Variants in ABCF3 observed in about 807,000 individuals in gnomAD.
The protein encoded by ABCF3 is ATP binding cassette subfamily F member 3.
ABCF3 carries 62 observed loss-of-function variants against 94.3 expected under a neutral mutation model. The observed-to-expected ratio is 0.66, with a 90% confidence interval of 0.54 to 0.81. The LOEUF (loss-of-function observed/expected upper bound fraction) is 0.81, where lower values mean the gene tolerates loss of function less well. Among genes scored for constraint, ABCF3 ranks in the 40% least tolerant of loss-of-function variants. The probability of loss-of-function intolerance (pLI) is 0.00; values close to 1 mark genes in which losing one functional copy is unlikely to be tolerated. For synonymous variants in ABCF3, 355 were observed against 361.1 expected, an observed-to-expected ratio of 0.98 and a Z score of 0.19; for missense variants, 843 against 925.3, an observed-to-expected ratio of 0.91 and a Z score of 1.15.
chr3:184,187,009 C>G (rs1267894486), intron 3 of ABCF3, 134 bp downstream of exon 3: 7 of 954,370 alleles, frequency 7.3e-6, no homozygotes, highest in Middle Eastern at 3.3e-4. Context: ...ATGTCTTTAC[C>G]GAGGGCAGAA....
In ABCF3 at chr3:184,192,733, G is replaced by C. The variant is rs577686481; in HGVS notation, c.1658+44G>C. 7 of 1,608,618 alleles carry C rather than the reference G, an allele frequency of 4.4e-6. No homozygotes were observed. In the East Asian group the frequency reaches 1.1e-4, roughly 26 times the overall value. Reference sequence around the variant, plus strand: ...CCTGCCCCCATGAGCACATTTGCAGGCACCCATGCTGCCTGCGCTCCTTCG... The same window carrying C: ...CCTGCCCCCATGAGCACATTTGCAGCCACCCATGCTGCCTGCGCTCCTTCG... On this transcript the variant is annotated intron_variant, in intron 17 of 20. Transcript: ENST00000429586.
Position 184,189,073 on chromosome 3 carries a change from T to C in ABCF3, c.978-15T>C, listed in dbSNP as rs1459768017. 1 of 1,614,188 alleles carries C rather than the reference T, an allele frequency of 6.2e-7. No individual in the cohort carries two copies. Among genetic ancestry groups the C allele is most frequent in the East Asian group, 2.2e-5 (1 of 44,876 alleles). On this transcript the variant is annotated splice_polypyrimidine_tract_variant and intron_variant, in intron 9 of 20. Transcript: ENST00000429586. ...GATGAACACCCACCCATAATGTGAC[T>C]CCATCATTCTTTAGGGAGTTCTCAG...
chr3:184,192,474 C>T, intron 16 of ABCF3, 127 bp from the exon 17 acceptor site: 2 of 908,676 alleles, frequency 2.2e-6, no homozygotes, highest in South Asian at 1.7e-5. Flanking sequence ...CCTTCCCAGC[C>T]TCTAGTAACC....
intron 16 of ABCF3, among the ~76,000 whole-genome samples, chr3:184,191,893 C>T (rs1011773175): frequency 6.6e-6 from 1 of 151,902 alleles, no homozygotes; most frequent in South Asian, 2.1e-4. Context: ...TACAGGCACC[C>T]GCCACCATGC....
rs1460406361 is a variant in ABCF3, at chr3:184,187,378, C to T, written c.302-19C>T. On this transcript the variant is annotated intron_variant, in intron 3 of 20. Coordinates refer to ENST00000429586, the MANE Select transcript of ABCF3 (RefSeq NM_018358.3). ...CCTTCCCTCAGGGAGAAGGTGACTG[C>T]TTTTCTTATCGCTTACAGACTGTGG... is the stretch of plus-strand genomic sequence containing the variant. 5 of 1,613,796 alleles carry T rather than the reference C, an allele frequency of 3.1e-6. No homozygotes were observed. Among genetic ancestry groups the T allele is most frequent in the East Asian group, 2.2e-5 (1 of 44,882 alleles).
chr3:184,193,529 C>CT lies in ABCF3; in HGVS notation c.1972-10dup. 6.2e-7 allele frequency: 1 copy of CT among 1,614,168 alleles called. No individual in the cohort carries two copies. Reference sequence around the variant, plus strand: ...GTCCCCCTGAGCACCTCCTGCCCTCCTGTCTTTCAGGGTGGTGTGATTCTG... The same window carrying CT: ...GTCCCCCTGAGCACCTCCTGCCCTCCTTGTCTTTCAGGGTGGTGTGATTCTG... On this transcript the variant is annotated splice_polypyrimidine_tract_variant and intron_variant, in intron 20 of 20. Transcript: ENST00000429586. The surrounding 1 kb of genome is among the most constrained non-coding windows in gnomAD (Gnocchi z 5.2).
rs142247095 is a variant in ABCF3, at chr3:184,187,740, C to T, written c.425C>T (p.Thr142Met). 252 of 1,614,196 alleles carry T rather than the reference C, an allele frequency of 1.6e-4. 1 individual carries two copies. In the African/African-American group the frequency reaches 3.0e-3, roughly 19 times the overall value. The change falls in exon 5 of 21, where the codon ACG becomes ATG. Residue 142 changes from threonine (T) to methionine (M), a missense_variant. Thr to Met is a moderately conservative substitution (Grantham distance 81). Coordinates refer to ENST00000429586, the MANE Select transcript of ABCF3 (RefSeq NM_018358.3). ...CAGGAGAAGCGCTCAGAGAAGGACA[C>T]GCTCAAGACCAGCAACCCTCTGTGA... ...AKQEKRSEKD[T>M]LKTSNPLVLE... is the part of the protein sequence containing the mutation.
At chr3:184,187,020 G>A in intron 3 of ABCF3, 145 bp downstream of exon 3, 1 of 864,490 alleles carries the variant, frequency 1.2e-6, no homozygotes, top group Non-Finnish European at 1.8e-6. Flanking sequence ...GAGGGCAGAA[G>A]AGCCCATGAT....
In ABCF3 at chr3:184,186,550, C is replaced by T. The variant is rs1453063305; in HGVS notation, c.117C>T (p.Asp39=). ...GCGCGGACTTCGAGTCTGTGGATGACCTGGTGGAAGCTGTAGGGGAACTAT... is the reference window on the plus strand; with the variant it reads ...GCGCGGACTTCGAGTCTGTGGATGATCTGGTGGAAGCTGTAGGGGAACTAT... ...SGSADFESVD[D]LVEAVGELLQ... Residue 39 remains aspartate, a synonymous_variant, in exon 2 of 21, where the codon GAC becomes GAT. Coordinates refer to ENST00000429586, the MANE Select transcript of ABCF3 (RefSeq NM_018358.3). 14 of 1,613,890 alleles carry T rather than the reference C, an allele frequency of 8.7e-6. No homozygotes were observed. The highest frequency in any genetic ancestry group is 1.7e-5 in the Admixed American group (1 of 59,984).
In ABCF3 at chr3:184,186,578, C is replaced by G. The variant is rs1715633361; in HGVS notation, c.145C>G (p.Gln49Glu). The change falls in exon 2 of 21, where the codon CAA (glutamine) becomes GAA (glutamate). Residue 49 changes from glutamine (Q) to glutamate (E), a missense_variant. Physicochemically the swap from Gln to Glu is conservative, Grantham distance 29. Coordinates refer to ENST00000429586, the MANE Select transcript of ABCF3 (RefSeq NM_018358.3). Reference sequence around the variant, plus strand: ...GGTGGAAGCTGTAGGGGAACTATTGCAAGAGGTGTCCGGGGACAGCAAGGA... The same window carrying G: ...GGTGGAAGCTGTAGGGGAACTATTGGAAGAGGTGTCCGGGGACAGCAAGGA... Reference protein sequence around the residue: ...DLVEAVGELLQEVSGDSKDDA... With the variant: ...DLVEAVGELLEEVSGDSKDDA... The G allele has an allele frequency of 6.2e-7, 1 of 1,613,942 alleles. No homozygotes were observed. Among genetic ancestry groups the G allele is most frequent in the Non-Finnish European group, 8.5e-7 (1 of 1,179,972 alleles).
chr3:184,192,938 A>T (rs753232076), intron 18 of ABCF3, 42 bp downstream of exon 18: 47 of 1,608,706 alleles, frequency 2.9e-5, no homozygotes, highest in Non-Finnish European at 3.2e-5. Flanking sequence ...TTGAGTAGGG[A>T]AGAGGGCTGA....
chr3:184,193,195 A>G lies in ABCF3; in HGVS notation c.1844A>G (p.Gln615Arg). 6.4e-7 allele frequency: 1 copy of G among 1,563,966 alleles called. No homozygotes were observed. Among genetic ancestry groups the G allele is most frequent in the Non-Finnish European group, 8.7e-7 (1 of 1,155,552 alleles). ...CCTCTTGCCAGCCTGTCTGGGGGCC[A>G]GAAGAGCCGAGTGGCCTTTGCTCAG... ...MRPLASLSGG[Q>R]KSRVAFAQMT... Residue 615 changes from glutamine (Q) to arginine (R), a missense_variant, in exon 19 of 21, where the codon CAG becomes CGG. Physicochemically the swap from Gln to Arg is conservative, Grantham distance 43. Transcript: ENST00000429586. The surrounding 1 kb of genome is among the most constrained non-coding windows in gnomAD (Gnocchi z 5.2).
chr3:184,189,298 C>G, intron 11 of ABCF3, 21 bp downstream of exon 11: 1 of 1,614,158 alleles, frequency 6.2e-7, no homozygotes, highest in Non-Finnish European at 8.5e-7. Context: ...AATGGGGCAC[C>G]CTGACTTTAG....
chr3:184,192,779 T>C, intron 17 of ABCF3, 26 bp from the exon 18 acceptor site: 1 of 1,613,526 alleles, frequency 6.2e-7, no homozygotes, highest in Non-Finnish European at 8.5e-7. Flanking sequence ...CTTTGTCTGT[T>C]TTTCCACCTC....
rs1229576042 is a variant in ABCF3, at chr3:184,191,684, G to A, written c.1569+429G>A. ...GGTTCTTGGGAAAAGTAAGTCCCCA[G>A]CACTTAGCAAATACTCAAGTATTGC... On this transcript the variant is annotated intron_variant, in intron 16 of 20. Coordinates refer to ENST00000429586, the MANE Select transcript of ABCF3 (RefSeq NM_018358.3). Among the ~76,000 whole-genome samples the A allele has an allele frequency of 2.6e-4, 39 of 147,832 alleles. 1 individual carries two copies. The Admixed American group carries it at 2.7e-3, about 10-fold the overall frequency.
chr3:184,187,204 A>G, intron 3 of ABCF3, 193 bp from the exon 4 acceptor site: 1 of 717,752 alleles, frequency 1.4e-6, no homozygotes, highest in Non-Finnish European at 2.4e-6. Context: ...ATGCCTCTGT[A>G]TCCTTCTACG....
chr3:184,188,709 A>G (rs980082385), intron 7 of ABCF3, 52 bp from the exon 8 acceptor site: 1 of 1,573,440 alleles, frequency 6.4e-7, no homozygotes, highest in Admixed American at 1.7e-5. Flanking sequence ...GGTGCAGGAC[A>G]TCCTCCTAGA....
At chr3:184,190,731 A>G (rs1054355433) in intron 14 of ABCF3, 9 of 403,562 alleles carry the variant, frequency 2.2e-5, no homozygotes, top group Admixed American at 4.1e-5. Flanking sequence ...TGCCCTTTCT[A>G]TAAGTGCTGG....
At position 184,188,242 on chromosome 3, in the gene ABCF3, C is replaced by G. The variant is rs781166608; in HGVS notation, c.671C>G (p.Ala224Gly). The G allele has an allele frequency of 6.2e-7, 1 of 1,614,140 alleles. No homozygotes were observed. Among genetic ancestry groups the G allele is most frequent in the Non-Finnish European group, 8.5e-7 (1 of 1,180,038 alleles). Residue 224 changes from alanine (A) to glycine (G), a missense_variant, in exon 7 of 21, where the codon GCC (alanine) becomes GGC (glycine). Ala to Gly is a moderately conservative substitution (Grantham distance 60). Coordinates refer to ENST00000429586, the MANE Select transcript of ABCF3 (RefSeq NM_018358.3). ...AAGACAACGTTACTGAAGATGCTGG[C>G]CACCCGGAGTCTGCGGGTTCCAGCC... The part of the protein sequence containing the change: ...LGKTTLLKML[A>G]TRSLRVPAHI...
Sources: gnomAD v4.1 joint callset for allele counts (sites outside exome capture counted in the v4.1 genomes callset) on GRCh38, gnomAD v4.1.1 for gene constraint, Gnocchi (gnomAD v3.1) non-coding constraint, MANE v1.5 for transcripts, NCBI Gene and HGNC (gene_info 2026-07-23, HGNC 2026-07-21) for gene names.